Variants in GDE1 observed in about 807,000 individuals in gnomAD.
GDE1 encodes glycerophosphodiester phosphodiesterase 1.
In GDE1, 24 loss-of-function variants were observed where a neutral mutation model predicts 32.2. The observed-to-expected ratio is 0.75, with a 90% confidence interval of 0.54 to 1.05. The LOEUF is 1.05. Among genes scored for constraint, GDE1 ranks in the 50% least tolerant of loss-of-function variants. GDE1 has a pLI of 0.00. For missense variants in GDE1, 380 were observed against 415.0 expected (o/e 0.92, Z 0.73); for synonymous variants, 159 against 158.6 (o/e 1.00, Z -0.02).
chr16:19,509,203 G>A (rs994632872), intron 3 of GDE1, among the ~76,000 whole-genome samples: 2 of 152,156 alleles, frequency 1.3e-5, no homozygotes, highest in Admixed American at 6.5e-5. Flanking sequence ...TTGGGAGGCT[G>A]AGGCAGGAGA....
At chr16:19,510,522 A>G (rs1040621841) in intron 3 of GDE1, among the ~76,000 whole-genome samples, 2 of 152,154 alleles carry the variant, frequency 1.3e-5, no homozygotes, top group East Asian at 3.8e-4. Context: ...AGGTTACTAC[A>G]GTGGTTTTTT....
chr16:19,503,743 C>G, intron 5 of GDE1, 126 bp from the exon 6 acceptor site: 1 of 750,332 alleles, frequency 1.3e-6, no homozygotes, highest in Non-Finnish European at 2.2e-6. Context: ...TAACTGGCCT[C>G]TGCACTGTGA....
chr16:19,503,691 A>G, intron 5 of GDE1, 74 bp from the exon 6 acceptor site: 2 of 1,276,060 alleles, frequency 1.6e-6, no homozygotes, highest in East Asian at 2.3e-5. Flanking sequence ...GCCACTAAGT[A>G]TGGTGTTCAC....
At chr16:19,512,927 T>TTGTG (rs144957791) in intron 2 of GDE1, among the ~76,000 whole-genome samples, 21,658 of 136,864 alleles carry the variant, frequency 0.16, 1,682 homozygotes, top group Non-Finnish European at 0.17. Flanking sequence ...TGTATCTGTT[T>TTGTG]TGTGTGTGTG....
At chr16:19,511,021 G>C in intron 2 of GDE1, 77 bp from the exon 3 acceptor site, 1 of 696,352 alleles carries the variant, frequency 1.4e-6, no homozygotes. Flanking sequence ...TTTTGCATAT[G>C]TCTCTCAATC....
Position 19,517,067 on chromosome 16 carries a change from A to G in GDE1, c.384T>C (p.Asp128=), listed in dbSNP as rs1249732065. The G allele has an allele frequency of 6.2e-7, 1 of 1,614,152 alleles. No individual in the cohort carries two copies. The highest frequency in any genetic ancestry group is 1.3e-5 in the African/African-American group (1 of 75,032). The change falls in exon 2 of 6, where the codon GAT becomes GAC. Residue 128 remains aspartate (D), a synonymous_variant. Transcript: ENST00000353258. Reference sequence around the variant, plus strand: ...GCTTCCTAATTTGTTCAAATGTCAAATCACACAATCGCCCAGTCCCATCAG... The same window carrying G: ...GCTTCCTAATTTGTTCAAATGTCAAGTCACACAATCGCCCAGTCCCATCAG... ...RTTDGTGRLC[D]LTFEQIRKLN...
At chr16:19,512,922 C>G (rs1460003490) in intron 2 of GDE1, among the ~76,000 whole-genome samples, 1 of 86,508 alleles carries the variant, frequency 1.2e-5, no homozygotes, top group African/African-American at 4.8e-5. Flanking sequence ...GTCTATGTAT[C>G]TGTTTTGTGT....
At position 19,503,160 on chromosome 16, in the gene GDE1, A is replaced by C; in HGVS notation, c.*310T>G. The stretch of plus-strand genomic sequence containing the variant: ...CATGCATTTACATCTGCATCTGCAA[A>C]CTGTACAATTCAATCTGTGCTTATC... On this transcript the variant is annotated 3_prime_UTR_variant, in exon 6 of 6. Coordinates refer to ENST00000353258, the MANE Select transcript of GDE1 (RefSeq NM_016641.4). 1 of 321,972 alleles carries C rather than the reference A, an allele frequency of 3.1e-6. No individual in the cohort carries two copies. Among genetic ancestry groups the C allele is most frequent in the Non-Finnish European group, 5.8e-6 (1 of 172,812 alleles). The allele number at this position is 321,972 out of a possible 1,614,324, so 19.9% of individuals were successfully genotyped here. A position where few individuals can be genotyped will look rare whatever the true frequency, so the allele number is the denominator to read the frequency against.
intron 2 of GDE1, among the ~76,000 whole-genome samples, chr16:19,516,643 A>G (rs1055510025): frequency 1.3e-5 from 2 of 152,222 alleles, no homozygotes; most frequent in African/African-American, 4.8e-5. Flanking sequence ...GATCAGAAGA[A>G]TTAAATGGGT....
At chr16:19,507,156 A>AT (rs1969258333) in intron 4 of GDE1, among the ~76,000 whole-genome samples, 1 of 150,694 alleles carries the variant, frequency 6.6e-6, no homozygotes, top group South Asian at 2.1e-4. Flanking sequence ...AAATAAATAA[A>AT]TAAATAAATA....
intron 5 of GDE1, chr16:19,504,632 T>C (rs1969220889): frequency 2.3e-6 from 1 of 427,462 alleles, no homozygotes; most frequent in African/African-American, 2.0e-5. Flanking sequence ...CTCAGCATAG[T>C]GTCACAGGTT....
At chr16:19,508,728 G>A (rs1969279570) in intron 3 of GDE1, among the ~76,000 whole-genome samples, 1 of 127,494 alleles carries the variant, frequency 7.8e-6, no homozygotes, top group Non-Finnish European at 1.6e-5. Context: ...ACTGCTTTTA[G>A]TATCCCCATT....
intron 2 of GDE1, among the ~76,000 whole-genome samples, chr16:19,513,826 C>T (rs892611782): frequency 6.6e-6 from 1 of 152,178 alleles, no homozygotes; most frequent in Admixed American, 6.5e-5. Flanking sequence ...TGCTTTTAAA[C>T]ACAAGTAGGT....
intron 5 of GDE1, 189 bp from the exon 6 acceptor site, chr16:19,503,806 C>G: frequency 5.8e-6 from 3 of 520,960 alleles, no homozygotes; most frequent in Admixed American, 3.2e-5. Flanking sequence ...CTACACTGTC[C>G]CAGCTTAAAA....
At chr16:19,514,082 TTTTTG>T (rs775091735) in intron 2 of GDE1, among the ~76,000 whole-genome samples, 3 of 143,538 alleles carry the variant, frequency 2.1e-5, no homozygotes, top group East Asian at 4.4e-4. Context: ...ATTTTTCTGT[TTTTTG>T]TTTTGTTTTG....
intron 1 of GDE1, among the ~76,000 whole-genome samples, chr16:19,519,737 C>T (rs1969426054): frequency 6.6e-6 from 1 of 152,144 alleles, no homozygotes; most frequent in Non-Finnish European, 1.5e-5. Flanking sequence ...GTGATCCCAG[C>T]ACTTTGCCTG....
chr16:19,511,348 C>A (rs1021508394), intron 2 of GDE1, among the ~76,000 whole-genome samples: 1 of 152,186 alleles, frequency 6.6e-6, no homozygotes, highest in African/African-American at 2.4e-5. Flanking sequence ...AAGTGATCTA[C>A]CTGCCTTGGC....
chr16:19,515,595 TCCCTTGC>T (rs1008776829), intron 2 of GDE1, among the ~76,000 whole-genome samples: 3 of 152,176 alleles, frequency 2.0e-5, no homozygotes, highest in African/African-American at 7.2e-5. Context: ...AACCAGCCTT[TCCCTTGC>T]ATAAGCAGAG....
intron 2 of GDE1, among the ~76,000 whole-genome samples, chr16:19,516,657 G>A (rs763613627): frequency 1.3e-5 from 2 of 152,164 alleles, no homozygotes; most frequent in African/African-American, 4.8e-5. Context: ...AATGGGTTAA[G>A]TTAAAATGTG....
Sources: gnomAD v4.1 joint callset for allele counts (sites outside exome capture counted in the v4.1 genomes callset) on GRCh38, gnomAD v4.1.1 for gene constraint, MANE v1.5 for transcripts, NCBI Gene and HGNC (gene_info 2026-07-23, HGNC 2026-07-21) for gene names.